Variants in ANKS1B observed in about 807,000 individuals in gnomAD.
ANKS1B encodes the protein ankyrin repeat and sterile alpha motif domain-containing protein 1B.
A neutral mutation model predicts 148.3 loss-of-function variants in ANKS1B; 36 were observed. The ratio of observed to expected loss-of-function variants is 0.24; its 90% confidence interval spans 0.19 to 0.32. ANKS1B has a LOEUF of 0.32. Ranked by LOEUF, ANKS1B falls within the 10% of genes least tolerant of loss-of-function variation. The pLI is 1.00. For synonymous variants in ANKS1B, 542 were observed against 560.8 expected, an observed-to-expected ratio of 0.97 and a Z score of 0.47; for missense variants, 1,157 against 1,542.6, an observed-to-expected ratio of 0.75 and a Z score of 4.19.
At chr12:99,894,508 CAAAAA>C (rs777618998) in intron 1 of ANKS1B, among the ~76,000 whole-genome samples, 2 of 64,266 alleles carry the variant, frequency 3.1e-5, no homozygotes. Flanking sequence ...GACCCTGTCT[CAAAAA>C]AAAAAAAAAA....
intron 1 of ANKS1B, among the ~76,000 whole-genome samples, chr12:99,912,744 A>G (rs977662044): frequency 3.3e-5 from 5 of 152,122 alleles, no homozygotes; most frequent in African/African-American, 1.2e-4. Context: ...CTATTTGAAT[A>G]CATTATTTAT....
intron 17 of ANKS1B, among the ~76,000 whole-genome samples, chr12:98,891,982 C>T (rs963041328): frequency 3.3e-5 from 5 of 152,166 alleles, no homozygotes; most frequent in Non-Finnish European, 7.4e-5. Flanking sequence ...GTGTAAAAAC[C>T]AAACACACCT....
intron 11 of ANKS1B, among the ~76,000 whole-genome samples, chr12:99,415,275 C>T (rs1025696428): frequency 1.3e-5 from 2 of 152,096 alleles, no homozygotes; most frequent in Non-Finnish European, 2.9e-5. Flanking sequence ...TCAAATGCAT[C>T]CAGAATTTAA....
At chr12:99,767,144 C>A (rs1277132257) in intron 8 of ANKS1B, among the ~76,000 whole-genome samples, 1 of 151,718 alleles carries the variant, frequency 6.6e-6, no homozygotes, top group East Asian at 1.9e-4. Flanking sequence ...TCTTAAAATA[C>A]TAAAATAAAA....
intron 4 of ANKS1B, among the ~76,000 whole-genome samples, chr12:99,792,581 C>T (rs1242790756): frequency 1.3e-5 from 2 of 151,902 alleles, no homozygotes; most frequent in East Asian, 1.9e-4. Flanking sequence ...CAATGTGATA[C>T]CCTGTATCAA....
intron 15 of ANKS1B, among the ~76,000 whole-genome samples, chr12:99,152,610 G>A (rs2075237713): frequency 6.6e-6 from 1 of 152,086 alleles, no homozygotes; most frequent in South Asian, 2.1e-4. Flanking sequence ...TTGCTCATAA[G>A]TGTTTAACAT....
intron 17 of ANKS1B, among the ~76,000 whole-genome samples, chr12:99,042,038 CAAAA>C (rs367847056): frequency 2.0e-5 from 3 of 151,656 alleles, no homozygotes; most frequent in East Asian, 1.9e-4. Context: ...CAAAATAAAA[CAAAA>C]AAACCCATAA....
chr12:99,031,672 C>T (rs558423107), intron 17 of ANKS1B, among the ~76,000 whole-genome samples: 9 of 152,294 alleles, frequency 5.9e-5, no homozygotes, highest in African/African-American at 1.9e-4. Context: ...AGCCACTCTG[C>T]AGTCATGAGG....
At chr12:98,815,751 C>T (rs1258998570) in intron 19 of ANKS1B, among the ~76,000 whole-genome samples, 2 of 152,140 alleles carry the variant, frequency 1.3e-5, no homozygotes, top group Non-Finnish European at 2.9e-5. Context: ...AGCAGCAAAG[C>T]CTATTGAATC....
intron 12 of ANKS1B, among the ~76,000 whole-genome samples, chr12:99,276,449 A>C (rs1642182307): frequency 6.6e-6 from 1 of 152,158 alleles, no homozygotes; most frequent in Non-Finnish European, 1.5e-5. Context: ...TAAAAATAGG[A>C]AATTTGGACA....
At chr12:99,633,223 G>A (rs2098191473) in intron 9 of ANKS1B, among the ~76,000 whole-genome samples, 1 of 151,910 alleles carries the variant, frequency 6.6e-6, no homozygotes, top group Non-Finnish European at 1.5e-5. Flanking sequence ...AAACATACGT[G>A]TGCATGTGTC....
intron 14 of ANKS1B, among the ~76,000 whole-genome samples, chr12:99,174,061 C>T (rs951393964): frequency 6.6e-6 from 1 of 152,170 alleles, no homozygotes; most frequent in African/African-American, 2.4e-5. Context: ...TGACTTTGAT[C>T]TTACTAAGAG....
chr12:99,123,763 T>A (rs1313994807), intron 15 of ANKS1B, among the ~76,000 whole-genome samples: 2 of 152,122 alleles, frequency 1.3e-5, no homozygotes, highest in Non-Finnish European at 2.9e-5. Flanking sequence ...GCCAGTCTAG[T>A]CCTTTCACGT....
At chr12:99,363,312 T>C (rs1029956742) in intron 12 of ANKS1B, among the ~76,000 whole-genome samples, 2 of 152,112 alleles carry the variant, frequency 1.3e-5, no homozygotes, top group African/African-American at 4.8e-5. Flanking sequence ...TAACAAATAT[T>C]TCAATAAAAT....
chr12:99,760,207 A>G (rs1272968443), intron 8 of ANKS1B, among the ~76,000 whole-genome samples: 1 of 151,830 alleles, frequency 6.6e-6, no homozygotes, highest in Non-Finnish European at 1.5e-5. Flanking sequence ...TTAGAAAAAA[A>G]CAGGATGTCA....
At chr12:99,277,910 T>A (rs1437236621) in intron 12 of ANKS1B, among the ~76,000 whole-genome samples, 2 of 152,224 alleles carry the variant, frequency 1.3e-5, no homozygotes, top group African/African-American at 4.8e-5. Flanking sequence ...TCTTTCCTAT[T>A]CAGGAGATAA....
intron 15 of ANKS1B, among the ~76,000 whole-genome samples, chr12:99,103,487 A>G (rs769236531): frequency 2.0e-5 from 3 of 152,196 alleles, no homozygotes; most frequent in Non-Finnish European, 4.4e-5. Flanking sequence ...AACTCAATTG[A>G]TATCCCTTAT....
intron 16 of ANKS1B, among the ~76,000 whole-genome samples, chr12:99,070,623 A>C (rs1397553746): frequency 1.3e-5 from 2 of 152,170 alleles, no homozygotes; most frequent in Non-Finnish European, 2.9e-5. Context: ...TTGGAGTGTC[A>C]TGAGTTATCA....
chr12:99,350,101 T>C (rs764575495), intron 12 of ANKS1B, among the ~76,000 whole-genome samples: 5 of 151,992 alleles, frequency 3.3e-5, no homozygotes, highest in Admixed American at 6.6e-5. Context: ...ATCTCCCCTT[T>C]GGTGCTGTTC....
Sources: allele counts gnomAD v4.1 joint callset (sites outside exome capture counted in the v4.1 genomes callset), GRCh38; gene constraint gnomAD v4.1.1; transcripts MANE v1.5; gene names NCBI Gene and HGNC (gene_info 2026-07-23, HGNC 2026-07-21).